ABLIM1: variants seen among roughly 807,000 people sequenced by gnomAD.
ABLIM1 encodes the protein actin-binding LIM protein 1.
ABLIM1 carries 40 observed loss-of-function variants against 107.0 expected under a neutral mutation model. That is an observed-to-expected ratio of 0.37 (90% confidence interval 0.29 to 0.49). The LOEUF (loss-of-function observed/expected upper bound fraction) is 0.49. Among genes scored for constraint, ABLIM1 ranks in the 20% least tolerant of loss-of-function variants. The pLI is 0.97. For missense variants in ABLIM1, 857 were observed against 1,008.5 expected (o/e 0.85, Z 2.04); for synonymous variants, 357 against 357.3 (o/e 1.00, Z 0.01).
intron 6 of ABLIM1, among the ~76,000 whole-genome samples, chr10:114,517,427 C>T (rs966899590): frequency 1.3e-5 from 2 of 152,110 alleles, no homozygotes; most frequent in African/African-American, 4.8e-5. Flanking sequence ...ATGAAGCAGA[C>T]CCTCCAGCAG....
rs117983509 is a variant in ABLIM1 at position 114,729,642 on chromosome 10, A to G, written c.-213+38419T>C. Among the ~76,000 whole-genome samples, 712 of 152,262 alleles carry G rather than the reference A, an allele frequency of 4.7e-3. 1 individual carries two copies. Among genetic ancestry groups the G allele is most frequent in the Non-Finnish European group, 7.5e-3 (512 of 68,034 alleles). On this transcript the variant is annotated intron_variant, in intron 1 of 15. Transcript: ENST00000651092. ...CAAATCCAAGGTGTTTCTGAAACCCACGACTGAGAAAATGAGACCATACAA... is the reference window on the plus strand; with the variant it reads ...CAAATCCAAGGTGTTTCTGAAACCCGCGACTGAGAAAATGAGACCATACAA...
chr10:114,551,288 T>C (rs1318353917), intron 4 of ABLIM1, among the ~76,000 whole-genome samples: 2 of 152,250 alleles, frequency 1.3e-5, no homozygotes, highest in African/African-American at 4.8e-5. Context: ...TACAACCACC[T>C]CAGTGCCCAG....
At position 114,456,143 on chromosome 10, in the gene ABLIM1, A is replaced by T. The variant is rs530347858; in HGVS notation, c.1442-2660T>A. On this transcript the variant is annotated intron_variant, in intron 12 of 22. Transcript: ENST00000533213. The stretch of plus-strand genomic sequence containing the variant: ...ACTGCAACTTTAAGCAAAACAACAT[A>T]TAGCAGGTCCTTGAAGAACGTCGTT... Among the ~76,000 whole-genome samples the T allele has an allele frequency of 4.5e-4, 68 of 152,342 alleles. 1 individual carries two copies. The highest frequency in any genetic ancestry group is 1.8e-3 in the Admixed American group (28 of 15,298).
chr10:114,713,050 T>C (rs966380469), intron 1 of ABLIM1, among the ~76,000 whole-genome samples: 1 of 152,006 alleles, frequency 6.6e-6, no homozygotes, highest in Non-Finnish European at 1.5e-5. Context: ...CCCTGTCTCT[T>C]AAAAAAAGGA....
intron 12 of ABLIM1, among the ~76,000 whole-genome samples, chr10:114,457,339 G>A (rs779958143): frequency 1.6e-4 from 25 of 151,874 alleles, no homozygotes; most frequent in Non-Finnish European, 2.5e-4. Context: ...GTGCAGTCTC[G>A]GCTCATTGTA....
In ABLIM1 at chr10:114,432,919, A is replaced by G. The variant is rs1174380519; in HGVS notation, c.*3341T>C. ...TAACTAACCCCAAACCAAAATGTAG[A>G]TGCATAGCTAGCTGTGCAAGTTTCC... On this transcript the variant is annotated 3_prime_UTR_variant, in exon 23 of 23. Coordinates refer to ENST00000533213, the MANE Select transcript of ABLIM1 (RefSeq NM_002313.7). 1 of 152,236 alleles carries G rather than the reference A, an allele frequency of 6.6e-6. No individual in the cohort carries two copies. The highest frequency in any genetic ancestry group is 2.4e-5 in the African/African-American group (1 of 41,460). The allele number at this position is 152,236 out of a possible 1,614,324, so 9.4% of individuals were successfully genotyped here.
Position 114,439,076 on chromosome 10 carries a change from C to T in ABLIM1, c.2142+100G>A, listed in dbSNP as rs534022669. 3.0e-5 allele frequency: 43 copies of T among 1,436,040 alleles called. 1 individual carries two copies. The African/African-American group carries it at 4.2e-4, about 14-fold the overall frequency. The allele number at this position is 1,436,040 out of a possible 1,614,324, so 89.0% of individuals were successfully genotyped here. On this transcript the variant is annotated intron_variant, in intron 21 of 22. Transcript: ENST00000533213. ...TCATGACATGGCTCACCTGAACACA[C>T]CAGCCTACAACACTTTGAGAATGAT...
At chr10:114,623,299 C>T (rs538136302) in intron 1 of ABLIM1, among the ~76,000 whole-genome samples, 4 of 152,200 alleles carry the variant, frequency 2.6e-5, no homozygotes, top group East Asian at 3.8e-4. Context: ...AGCCCCAACT[C>T]GCCCCCATGA....
At chr10:114,547,509 T>G (rs1406843775) in intron 5 of ABLIM1, 141 bp downstream of exon 5, 1 of 1,145,668 alleles carries the variant, frequency 8.7e-7, no homozygotes, top group Non-Finnish European at 1.2e-6. Flanking sequence ...AAAAGTTTTA[T>G]AGCAACAAGT....
At chr10:114,475,881 T>C (rs1446808314) in intron 8 of ABLIM1, among the ~76,000 whole-genome samples, 3 of 152,208 alleles carry the variant, frequency 2.0e-5, no homozygotes. Context: ...TTGCAGCCAT[T>C]TCCTAAAGAG....
intron 12 of ABLIM1, among the ~76,000 whole-genome samples, chr10:114,458,225 T>C (rs1294967383): frequency 6.6e-6 from 1 of 152,196 alleles, no homozygotes. Flanking sequence ...TCTCATCTAT[T>C]GTAGTGACAA....
the ABLIM1 span, among the ~76,000 whole-genome samples, chr10:114,799,076 G>A: frequency 4.6e-5 from 7 of 152,084 alleles, no homozygotes; most frequent in South Asian, 2.1e-4. Context: ...GGGATTACAC[G>A]CATGAGCCAC....
chr10:114,686,430 T>C (rs1314043406), upstream of ABLIM1, among the ~76,000 whole-genome samples: 3 of 151,920 alleles, frequency 2.0e-5, no homozygotes, highest in African/African-American at 4.8e-5. Context: ...GGAGGATTGC[T>C]TGAGCCCAGA....
chr10:114,782,148 G>A, the ABLIM1 span, among the ~76,000 whole-genome samples: 3 of 152,024 alleles, frequency 2.0e-5, no homozygotes, highest in Non-Finnish European at 4.4e-5. Flanking sequence ...AGGAACTACA[G>A]AATGCTATAA....
chr10:114,552,901 G>C (rs2137895714), intron 4 of ABLIM1, among the ~76,000 whole-genome samples: 1 of 152,320 alleles, frequency 6.6e-6, no homozygotes, highest in Middle Eastern at 3.4e-3. Context: ...TAGGAGCAGA[G>C]TTAGGTCTTG....
chr10:114,468,333 G>A lies in ABLIM1; in HGVS notation c.1276-117C>T, dbSNP rs1220604336. 1.7e-5 allele frequency: 16 copies of A among 968,360 alleles called. No homozygotes were observed. The African/African-American group carries it at 1.9e-4, about 12-fold the overall frequency. The allele number at this position is 968,360 out of a possible 1,614,324, so 60.0% of individuals were successfully genotyped here. On this transcript the variant is annotated intron_variant, in intron 10 of 22. Coordinates refer to ENST00000533213, the MANE Select transcript of ABLIM1 (RefSeq NM_002313.7). Reference sequence around the variant, plus strand: ...TCTGTCGCCCAGGCTGGAGTGCAGTGGCGCAATCTCGGTTTACTGCAATCT... The same window carrying A: ...TCTGTCGCCCAGGCTGGAGTGCAGTAGCGCAATCTCGGTTTACTGCAATCT...
chr10:114,696,611 A>T (rs1252293738), intron 1 of ABLIM1, among the ~76,000 whole-genome samples: 1 of 152,188 alleles, frequency 6.6e-6, no homozygotes, highest in African/African-American at 2.4e-5. Context: ...AATAAGTCTC[A>T]TGGGATCTGA....
intron 2 of ABLIM1, among the ~76,000 whole-genome samples, chr10:114,589,931 C>T (rs1008356116): frequency 3.3e-5 from 5 of 152,134 alleles, no homozygotes; most frequent in South Asian, 2.1e-4. Context: ...AGTCACTCCC[C>T]ACTCACTCAC....
intron 7 of ABLIM1, 152 bp downstream of exon 7, chr10:114,491,639 C>G: frequency 1.6e-6 from 1 of 626,556 alleles, no homozygotes; most frequent in Non-Finnish European, 2.8e-6. Flanking sequence ...TTAATACTAA[C>G]TGATGAGGTA....
Sources: allele counts gnomAD v4.1 joint callset (sites outside exome capture counted in the v4.1 genomes callset), GRCh38; gene constraint gnomAD v4.1.1; transcripts MANE v1.5; gene names NCBI Gene and HGNC (gene_info 2026-07-23, HGNC 2026-07-21).